The following ZDHHC15 variants were observed in gnomAD, a reference collection of about 807,000 sequenced individuals.
ZDHHC15 encodes zDHHC palmitoyltransferase 15.
A neutral mutation model predicts 31.7 loss-of-function variants in ZDHHC15; 19 were observed. That is an observed-to-expected ratio of 0.60 (90% CI 0.42 to 0.88). ZDHHC15 has a LOEUF of 0.88. ZDHHC15 is among the 40% of genes least tolerant of loss of function. ZDHHC15 has a pLI of 0.00. For missense variants in ZDHHC15, 209 were observed against 251.2 expected, an observed-to-expected ratio of 0.83 and a Z score of 1.14; for synonymous variants, 103 against 90.0, an observed-to-expected ratio of 1.14 and a Z score of -0.82.
At chrX:75,414,733 C>T (rs867582878) in intron 10 of ZDHHC15, among the ~76,000 whole-genome samples, 1 of 99,638 alleles carries the variant, frequency 1.0e-5, no homozygotes. Flanking sequence ...CCACCACGCC[C>T]AGCCAAAAGT....
At chrX:75,384,645 G>C in intron 10 of ZDHHC15, 1 of 865,064 alleles carries the variant, frequency 1.2e-6, no homozygotes, top group Non-Finnish European at 1.7e-6. Context: ...AGCACTCTAA[G>C]AGCCGAGATA....
intron 2 of ZDHHC15, among the ~76,000 whole-genome samples, chrX:75,497,340 C>T (rs1175983045): frequency 9.0e-6 from 1 of 110,953 alleles, no homozygotes; most frequent in African/African-American, 3.3e-5. Context: ...GAAAGAGTAA[C>T]AAAAAAATGC....
rs747703247 is a variant in ZDHHC15 at position 75,371,260 on chromosome X, G to A, written c.*1718C>T. 1 of 111,720 alleles carries A rather than the reference G, an allele frequency of 9.0e-6. No homozygotes were observed. Among genetic ancestry groups the A allele is most frequent in the Non-Finnish European group, 1.9e-5 (1 of 53,116 alleles). The allele number at this position is 111,720 out of a possible 1,213,427, so 9.2% of individuals were successfully genotyped here. A position where few individuals can be genotyped will look rare whatever the true frequency, so the allele number is the denominator to read the frequency against. ...GAGAGTATTTTGAGAAAGAGTGTAA[G>A]GGGAAATTTTTTTCCATCTGAATAT... On this transcript the variant is annotated 3_prime_UTR_variant, in exon 12 of 12. Transcript: ENST00000373367.
intron 10 of ZDHHC15, among the ~76,000 whole-genome samples, chrX:75,387,389 G>A (rs1444646375): frequency 9.0e-6 from 1 of 111,336 alleles, no homozygotes; most frequent in Non-Finnish European, 1.9e-5. Context: ...AATTCAAAAT[G>A]GCAATATTAT....
At chrX:75,494,463 C>T (rs771278963) in intron 2 of ZDHHC15, among the ~76,000 whole-genome samples, 13 of 111,237 alleles carry the variant, frequency 1.2e-4, no homozygotes, top group African/African-American at 4.0e-4. Context: ...AAAAAAGAGC[C>T]CACATTGCCA....
chrX:75,476,699 C>A (rs1303214160), intron 3 of ZDHHC15, among the ~76,000 whole-genome samples: 1 of 104,064 alleles, frequency 9.6e-6, no homozygotes, highest in Non-Finnish European at 2.0e-5. Flanking sequence ...ATGTTCCTTT[C>A]TCCTCCCTTC....
At position 75,469,021 on chromosome X, in the gene ZDHHC15, T is replaced by G. The variant is rs374355932; in HGVS notation, c.258+9870A>C. ...CCCATTCTTTGGATGATCATCTCAC[T>G]TTCTTGATAGTGTTGTTTGATGTAC... On this transcript the variant is annotated intron_variant, in intron 3 of 11. Coordinates refer to ENST00000373367, the MANE Select transcript of ZDHHC15 (RefSeq NM_144969.3). Among the ~76,000 whole-genome samples the G allele has an allele frequency of 7.4e-5, 8 of 107,593 alleles. No homozygotes were observed. In the South Asian group the frequency reaches 3.3e-3, roughly 45 times the overall value. The allele number at this position is 107,593 out of a possible 115,157, so 93.4% of individuals were successfully genotyped here.
At chrX:75,484,918 A>G (rs899882755) in intron 2 of ZDHHC15, among the ~76,000 whole-genome samples, 1 of 112,228 alleles carries the variant, frequency 8.9e-6, no homozygotes, top group African/African-American at 3.2e-5. Flanking sequence ...ATACTCACAG[A>G]TGAATCTTAA....
intron 1 of ZDHHC15, among the ~76,000 whole-genome samples, chrX:75,508,913 T>C (rs1270391888): frequency 9.0e-6 from 1 of 111,704 alleles, no homozygotes; most frequent in African/African-American, 3.2e-5. Context: ...ATGAGCATTT[T>C]TTCATGTGTC....
intron 1 of ZDHHC15, among the ~76,000 whole-genome samples, chrX:75,521,896 A>T (rs1173134215): frequency 9.0e-6 from 1 of 111,478 alleles, no homozygotes; most frequent in Non-Finnish European, 1.9e-5. Context: ...AAAGATAACG[A>T]GGAATAATGA....
intron 2 of ZDHHC15, among the ~76,000 whole-genome samples, chrX:75,494,961 C>T (rs772173602): frequency 8.9e-5 from 10 of 111,879 alleles, no homozygotes; most frequent in African/African-American, 2.9e-4. Flanking sequence ...AGATCTTCTG[C>T]ACAGCAAAAG....
At chrX:75,433,689 G>GTA (rs757405849) in intron 4 of ZDHHC15, among the ~76,000 whole-genome samples, 2 of 11,960 alleles carry the variant, frequency 1.7e-4, no homozygotes, top group African/African-American at 2.3e-4. Context: ...GTGTGTGTGT[G>GTA]TGTGTGTGTA....
intron 4 of ZDHHC15, among the ~76,000 whole-genome samples, chrX:75,445,876 T>C (rs1179179171): frequency 1.8e-5 from 2 of 111,459 alleles, no homozygotes; most frequent in African/African-American, 3.3e-5. Flanking sequence ...CAACTGCCCA[T>C]GGTATTGGCC....
chrX:75,473,111 C>T (rs1467711718), intron 3 of ZDHHC15, among the ~76,000 whole-genome samples: 1 of 111,916 alleles, frequency 8.9e-6, no homozygotes, highest in Non-Finnish European at 1.9e-5. Context: ...ACTCACTTTA[C>T]GGCTAAAGAC....
rs550272817 is a variant in ZDHHC15 at position 75,467,307 on chromosome X, C to T, written c.258+11584G>A. ...ATAACTTCCTTATAGTACACTGCAC[C>T]TACTTGAAAGGCACAGGAAGAGGAT... On this transcript the variant is annotated intron_variant, in intron 3 of 11. Transcript: ENST00000373367. Among the ~76,000 whole-genome samples, 8 of 111,576 alleles carry T rather than the reference C, an allele frequency of 7.2e-5. No homozygotes were observed. The South Asian group carries it at 3.0e-3, about 42-fold the overall frequency.
chrX:75,451,287 C>A (rs2084113213), intron 3 of ZDHHC15, among the ~76,000 whole-genome samples: 1 of 111,660 alleles, frequency 9.0e-6, no homozygotes, highest in Non-Finnish European at 1.9e-5. Context: ...AGATGTGTAA[C>A]ACATTTTTGC....
chrX:75,462,177 C>G (rs1485207821), intron 3 of ZDHHC15, among the ~76,000 whole-genome samples: 1 of 111,896 alleles, frequency 8.9e-6, no homozygotes, highest in Non-Finnish European at 1.9e-5. Context: ...TAAAAAAAGA[C>G]AAAGAAGGAT....
intron 3 of ZDHHC15, among the ~76,000 whole-genome samples, chrX:75,457,093 T>G (rs897832377): frequency 6.2e-5 from 7 of 112,058 alleles, no homozygotes; most frequent in African/African-American, 2.3e-4. Context: ...AACTGATATT[T>G]AGAAAAAATC....
At chrX:75,399,159 C>T (rs1017954512) in intron 10 of ZDHHC15, among the ~76,000 whole-genome samples, 8 of 110,845 alleles carry the variant, frequency 7.2e-5, no homozygotes, top group African/African-American at 9.8e-5. Context: ...TGTGGTTGCC[C>T]GTTTTCATAT....
Sources: gnomAD v4.1 joint callset for allele counts (sites outside exome capture counted in the v4.1 genomes callset) on GRCh38, gnomAD v4.1.1 for gene constraint, MANE v1.5 for transcripts, NCBI Gene and HGNC (gene_info 2026-07-23, HGNC 2026-07-21) for gene names.